NSMCE2: variants seen among roughly 807,000 people sequenced by gnomAD.
The protein encoded by NSMCE2 is NSE2 SUMO ligase component of SMC5/6 complex.
NSMCE2 carries 24 observed loss-of-function variants against 23.8 expected under a neutral mutation model. That is an observed-to-expected ratio of 1.01 (90% CI 0.73 to 1.42). The LOEUF is 1.42. NSMCE2 is among the 40% of genes most tolerant of loss of function. The pLI is 0.00. For missense variants in NSMCE2, 284 were observed against 296.5 expected (o/e 0.96, Z 0.31); for synonymous variants, 92 against 94.1 (o/e 0.98, Z 0.13).
At chr8:125,321,863 T>C (rs1277382119) in intron 5 of NSMCE2, among the ~76,000 whole-genome samples, 3 of 152,222 alleles carry the variant, frequency 2.0e-5, no homozygotes, top group African/African-American at 7.2e-5. Context: ...GTTTTTGTTA[T>C]GTTTCTTTAA....
At chr8:125,127,554 T>C (rs1272992339) in intron 3 of NSMCE2, among the ~76,000 whole-genome samples, 1 of 152,216 alleles carries the variant, frequency 6.6e-6, no homozygotes, top group Non-Finnish European at 1.5e-5. Context: ...ATGTGTTACA[T>C]GGAAGATGCA....
At chr8:125,138,275 G>A (rs1820172102) in intron 3 of NSMCE2, among the ~76,000 whole-genome samples, 1 of 152,154 alleles carries the variant, frequency 6.6e-6, no homozygotes, top group Non-Finnish European at 1.5e-5. Flanking sequence ...TCAGGATGGA[G>A]TGCAGTGGTA....
Position 125,323,997 on chromosome 8 carries a change from AT to A in NSMCE2, c.419-33221del, listed in dbSNP as rs368745029. ...AAAATGGAAAAAAGATTTTGAAAAG[AT>A]ACTGAAATGAACAACAACAAAAAAA... On this transcript the variant is annotated intron_variant, in intron 5 of 7. Coordinates refer to ENST00000287437, the MANE Select transcript of NSMCE2 (RefSeq NM_173685.4). 2.2e-3 allele frequency among the ~76,000 whole-genome samples: 334 copies of A among 152,322 alleles called. 1 individual carries two copies. The highest frequency in any genetic ancestry group is 7.8e-3 in the African/African-American group (323 of 41,570).
intron 5 of NSMCE2, among the ~76,000 whole-genome samples, chr8:125,278,906 A>G (rs1166028862): frequency 6.6e-6 from 1 of 152,130 alleles, no homozygotes; most frequent in Non-Finnish European, 1.5e-5. Flanking sequence ...TCAAACCGAG[A>G]ACCAGGATGG....
chr8:125,219,228 C>G (rs1475597946), intron 5 of NSMCE2, among the ~76,000 whole-genome samples: 1 of 152,162 alleles, frequency 6.6e-6, no homozygotes, highest in Admixed American at 6.5e-5. Flanking sequence ...TTCGTACTTT[C>G]AGTGTTCCAA....
chr8:125,109,141 T>A (rs938299618), intron 3 of NSMCE2, among the ~76,000 whole-genome samples: 16 of 152,206 alleles, frequency 1.1e-4, no homozygotes, highest in Non-Finnish European at 2.1e-4. Flanking sequence ...ATACCCTCAT[T>A]GTAATACAGG....
chr8:125,213,613 T>C (rs1387756544), intron 5 of NSMCE2, among the ~76,000 whole-genome samples: 1 of 138,496 alleles, frequency 7.2e-6, no homozygotes, highest in Non-Finnish European at 1.6e-5. Context: ...TCCTTTCCTC[T>C]TCTCTTATTT....
chr8:125,261,424 A>G (rs1009930878), intron 5 of NSMCE2, among the ~76,000 whole-genome samples: 4 of 152,146 alleles, frequency 2.6e-5, no homozygotes, highest in East Asian at 1.9e-4. Flanking sequence ...TACTTTTTCC[A>G]TTTGGCTTCT....
intron 3 of NSMCE2, among the ~76,000 whole-genome samples, chr8:125,123,865 G>T (rs1200437833): frequency 6.6e-6 from 1 of 152,008 alleles, no homozygotes; most frequent in Non-Finnish European, 1.5e-5. Flanking sequence ...AATCCCATTA[G>T]CTTTTTTATT....
intron 3 of NSMCE2, among the ~76,000 whole-genome samples, chr8:125,129,523 G>A (rs555536718): frequency 1.6e-4 from 24 of 150,244 alleles, no homozygotes; most frequent in African/African-American, 5.4e-4. Context: ...TTTGAAGATA[G>A]TGTTAGGAAA....
intron 5 of NSMCE2, among the ~76,000 whole-genome samples, chr8:125,331,571 T>G (rs1488699805): frequency 1.3e-5 from 2 of 151,826 alleles, no homozygotes; most frequent in Non-Finnish European, 2.9e-5. Context: ...TTCTCCTCCC[T>G]GAAGTTTAAA....
At chr8:125,219,890 G>A (rs925083654) in intron 5 of NSMCE2, among the ~76,000 whole-genome samples, 48 of 152,160 alleles carry the variant, frequency 3.2e-4, no homozygotes, top group Non-Finnish European at 5.9e-4. Context: ...AAGATGGTTC[G>A]TGCCATTCAG....
intron 5 of NSMCE2, chr8:125,348,913 C>T (rs1244100222): frequency 6.6e-6 from 1 of 151,978 alleles, no homozygotes; most frequent in East Asian, 1.9e-4. Context: ...ATGGCCCAAC[C>T]AAACAGCTGG....
chr8:125,272,014 CT>C (rs563967898), intron 5 of NSMCE2, among the ~76,000 whole-genome samples: 27 of 130,142 alleles, frequency 2.1e-4, no homozygotes, highest in East Asian at 1.3e-3. Context: ...CAGTTTCTTT[CT>C]TTTTTTTTTT....
intron 5 of NSMCE2, among the ~76,000 whole-genome samples, chr8:125,325,952 C>T (rs1829648499): frequency 6.7e-6 from 1 of 150,004 alleles, no homozygotes; most frequent in African/African-American, 2.5e-5. Flanking sequence ...AACTCCGTCT[C>T]AAAATAAATA....
chr8:125,284,520 G>C (rs1827820551), intron 5 of NSMCE2, among the ~76,000 whole-genome samples: 1 of 152,184 alleles, frequency 6.6e-6, no homozygotes, highest in Admixed American at 6.5e-5. Context: ...CCTACCCTAA[G>C]ATACTTAGAC....
At chr8:125,175,287 T>C (rs1822428583) in intron 4 of NSMCE2, among the ~76,000 whole-genome samples, 1 of 152,164 alleles carries the variant, frequency 6.6e-6, no homozygotes, top group Admixed American at 6.5e-5. Flanking sequence ...TCAGTAATTA[T>C]TTGTTGAATG....
chr8:125,312,564 G>A (rs1214047765), intron 5 of NSMCE2, among the ~76,000 whole-genome samples: 3 of 152,212 alleles, frequency 2.0e-5, no homozygotes, highest in Admixed American at 6.5e-5. Context: ...GGCAGAGGTT[G>A]CAGTGAGCCA....
chr8:125,197,323 G>C (rs1290211422), intron 5 of NSMCE2, among the ~76,000 whole-genome samples: 1 of 152,094 alleles, frequency 6.6e-6, no homozygotes, highest in African/African-American at 2.4e-5. Context: ...GGGTTTTTAT[G>C]GTTTTAGGTC....
Sources: allele counts gnomAD v4.1 joint callset (sites outside exome capture counted in the v4.1 genomes callset), GRCh38; gene constraint gnomAD v4.1.1; transcripts MANE v1.5; gene names NCBI Gene and HGNC (gene_info 2026-07-23, HGNC 2026-07-21).